Variants in CFAP44 observed in about 807,000 individuals in gnomAD.
The protein encoded by CFAP44 is cilia- and flagella-associated protein 44.
A neutral mutation model predicts 216.2 loss-of-function variants in CFAP44; 134 were observed. The ratio of observed to expected loss-of-function variants is 0.62; its 90% CI spans 0.54 to 0.72. The LOEUF (loss-of-function observed/expected upper bound fraction) is 0.72. Among genes scored for constraint, CFAP44 ranks in the 30% least tolerant of loss-of-function variants. The probability of loss-of-function intolerance (pLI) is 0.00; values close to 1 mark genes in which losing one functional copy is unlikely to be tolerated. For missense variants in CFAP44, 2,035 were observed against 2,182.1 expected (o/e 0.93, Z 1.34); for synonymous variants, 700 against 727.6 (o/e 0.96, Z 0.61).
intron 8 of CFAP44, among the ~76,000 whole-genome samples, chr3:113,405,851 G>A (rs1478702922): frequency 6.6e-6 from 1 of 152,164 alleles, no homozygotes; most frequent in Admixed American, 6.5e-5. Flanking sequence ...AAGCTGGGAT[G>A]ATTTAAGATC....
chr3:113,358,665 C>A, intron 22 of CFAP44, 80 bp downstream of exon 22: 2 of 1,479,890 alleles, frequency 1.4e-6, no homozygotes, highest in Non-Finnish European at 1.8e-6. Flanking sequence ...TAACTGGCCA[C>A]TTCACTGACA....
At chr3:113,355,701 A>G (rs1950486642) in intron 22 of CFAP44, among the ~76,000 whole-genome samples, 1 of 152,110 alleles carries the variant, frequency 6.6e-6, no homozygotes, top group African/African-American at 2.4e-5. Context: ...CAGCAAACCA[A>G]CATGGCACAT....
intron 30 of CFAP44, among the ~76,000 whole-genome samples, chr3:113,305,545 A>C (rs1949977411): frequency 6.6e-6 from 1 of 152,192 alleles, no homozygotes. Flanking sequence ...AAAGCAATGA[A>C]ACTGCTAACT....
At chr3:113,384,314 C>T (rs975094957) in intron 15 of CFAP44, among the ~76,000 whole-genome samples, 1 of 152,098 alleles carries the variant, frequency 6.6e-6, no homozygotes, top group African/African-American at 2.4e-5. Flanking sequence ...CCACCTTGAC[C>T]TCCCAAAGTG....
chr3:113,373,708 T>A, intron 17 of CFAP44, 152 bp from the exon 18 acceptor site: 3 of 632,076 alleles, frequency 4.7e-6, no homozygotes, highest in Non-Finnish European at 7.2e-6. Flanking sequence ...AGATTTATTA[T>A]TTCTATAAAG....
chr3:113,430,144 G>A (rs1245248008), intron 2 of CFAP44, among the ~76,000 whole-genome samples: 1 of 151,616 alleles, frequency 6.6e-6, no homozygotes, highest in Non-Finnish European at 1.5e-5. Context: ...AAACAACAGA[G>A]GTAAGTTAGA....
At chr3:113,415,889 A>G (rs1934632051) in intron 6 of CFAP44, among the ~76,000 whole-genome samples, 1 of 152,196 alleles carries the variant, frequency 6.6e-6, no homozygotes, top group Admixed American at 6.5e-5. Context: ...CACTTGATCC[A>G]GAGTTGAGTT....
In CFAP44 at chr3:113,380,983, C is replaced by T. The variant is rs1048416273; in HGVS notation, c.1968G>A (p.Glu656=). The part of the protein sequence containing the change: ...EAPLPTIKQE[E]DDHDVVSYEI... Reference sequence around the variant, plus strand: ...CATAGGAGACTACATCATGATCATCCTCTTCTTGCTTTATGGTTGGAAGTG... The same window carrying T: ...CATAGGAGACTACATCATGATCATCTTCTTCTTGCTTTATGGTTGGAAGTG... Residue 656 remains glutamate (E), a synonymous_variant, in exon 16 of 35, where the codon GAG becomes GAA. Transcript: ENST00000393845. 5 of 1,600,834 alleles carry T rather than the reference C, an allele frequency of 3.1e-6. No homozygotes were observed. In the Admixed American group the frequency reaches 8.5e-5, roughly 27 times the overall value.
At chr3:113,375,080 T>A (rs1382972535) in intron 17 of CFAP44, among the ~76,000 whole-genome samples, 2 of 152,136 alleles carry the variant, frequency 1.3e-5, no homozygotes, top group African/African-American at 4.8e-5. Context: ...AACAAGCCAG[T>A]CATAAAGAGA....
At chr3:113,431,147 G>C (rs189338961) in intron 2 of CFAP44, among the ~76,000 whole-genome samples, 18 of 152,182 alleles carry the variant, frequency 1.2e-4, no homozygotes, top group Admixed American at 2.0e-4. Flanking sequence ...TTTCAGGGGT[G>C]GGGGGAATGC....
In CFAP44 at chr3:113,289,706, T is replaced by C. The variant is rs1027335927; in HGVS notation, c.*1851A>G. On this transcript the variant is annotated 3_prime_UTR_variant, in exon 35 of 35. Coordinates refer to ENST00000393845, the MANE Select transcript of CFAP44 (RefSeq NM_001164496.2). Reference sequence around the variant, plus strand: ...GGTCAGCCTGTGACCCATATGACAATAGTGACGCTATGTCACTTCTGAGCT... The same window carrying C: ...GGTCAGCCTGTGACCCATATGACAACAGTGACGCTATGTCACTTCTGAGCT... 1.5e-4 allele frequency: 23 copies of C among 152,228 alleles called. No individual in the cohort carries two copies. Among genetic ancestry groups the C allele is most frequent in the African/African-American group, 5.1e-4 (21 of 41,452 alleles). 9.4% of individuals were successfully genotyped at this position (152,228 alleles called of 1,614,324 possible). A position where few individuals can be genotyped will look rare whatever the true frequency, so the allele number is the denominator to read the frequency against.
In CFAP44 at chr3:113,366,109, A is replaced by T. The variant is rs1046441796; in HGVS notation, c.2645T>A (p.Ile882Asn). Residue 882 changes from isoleucine to asparagine, a missense_variant, in exon 19 of 35, where the codon ATC (isoleucine) becomes AAC (asparagine). Ile to Asn is a moderately radical substitution (Grantham distance 149). This residue lies in a region of CFAP44 where 1,883 missense variants were observed against 2,023.7 expected (regional missense o/e 0.93). Coordinates refer to ENST00000393845, the MANE Select transcript of CFAP44 (RefSeq NM_001164496.2). The stretch of plus-strand genomic sequence containing the variant: ...TTCAGAAAAAATGTTGAAAACAAAG[A>T]TATTGCCATCTGCTCCAGCAGTCAC... ...FLVTAGADGNIFVFNIFSEFM... is the reference protein window; with the variant it reads ...FLVTAGADGNNFVFNIFSEFM... 3.1e-6 allele frequency: 5 copies of T among 1,614,032 alleles called. No individual in the cohort carries two copies. Among genetic ancestry groups the T allele is most frequent in the Non-Finnish European group, 4.2e-6 (5 of 1,179,960 alleles).
At chr3:113,391,401 A>G (rs190156480) in intron 15 of CFAP44, among the ~76,000 whole-genome samples, 68 of 152,276 alleles carry the variant, frequency 4.5e-4, no homozygotes, top group African/African-American at 7.2e-4. Context: ...AAAAGAAAAC[A>G]TTGGGGAAAC....
intron 28 of CFAP44, among the ~76,000 whole-genome samples, chr3:113,323,162 C>G (rs1469889116): frequency 2.6e-5 from 4 of 152,150 alleles, no homozygotes; most frequent in Admixed American, 6.5e-5. Context: ...GGTAGGGACA[C>G]AGCCAAACCA....
intron 24 of CFAP44, among the ~76,000 whole-genome samples, chr3:113,338,437 A>G (rs75979045): frequency 0.062 from 9,469 of 152,138 alleles, 587 homozygotes; most frequent in African/African-American, 0.15. Flanking sequence ...AGAGCGAACA[A>G]TCCTATTCAA....
chr3:113,415,480 G>A (rs575987687), intron 6 of CFAP44, among the ~76,000 whole-genome samples: 1 of 152,030 alleles, frequency 6.6e-6, no homozygotes, highest in African/African-American at 2.4e-5. Context: ...GATCTTTCTG[G>A]CTTTTTGATG....
intron 23 of CFAP44, 46 bp from the exon 24 acceptor site, chr3:113,341,964 CA>C: frequency 6.8e-7 from 1 of 1,475,020 alleles, no homozygotes; most frequent in Non-Finnish European, 8.9e-7. Context: ...GACATAAAAA[CA>C]AAACTCTCAG....
intron 22 of CFAP44, among the ~76,000 whole-genome samples, chr3:113,354,489 G>T (rs955136685): frequency 4.6e-5 from 7 of 152,202 alleles, no homozygotes; most frequent in African/African-American, 1.7e-4. Flanking sequence ...ACTGTGGGTT[G>T]CATGGGAGCA....
intron 20 of CFAP44, 44 bp from the exon 21 acceptor site, chr3:113,363,351 A>C (rs1576571237): frequency 6.3e-6 from 10 of 1,578,368 alleles, no homozygotes; most frequent in Non-Finnish European, 7.7e-6. Context: ...TGATACAGAA[A>C]CAGCAGAGAA....
Sources: gnomAD v4.1 joint callset for allele counts (sites outside exome capture counted in the v4.1 genomes callset) on GRCh38, gnomAD v4.1.1 for gene constraint, gnomAD v4.1.1 regional missense constraint, MANE v1.5 for transcripts, NCBI Gene and HGNC (gene_info 2026-07-23, HGNC 2026-07-21) for gene names.